The following GALNT15 variants were observed in gnomAD, a reference collection of about 807,000 sequenced individuals.
GALNT15 encodes UDP-GalNAc transferase T15.
In GALNT15, 67 loss-of-function variants were observed where a neutral mutation model predicts 66.8. That is an observed-to-expected ratio of 1.00 (90% CI 0.82 to 1.23). The LOEUF is 1.23. Ranked by LOEUF, GALNT15 falls within the 50% of genes most tolerant of loss-of-function variation. The probability of loss-of-function intolerance (pLI) is 0.00; values close to 1 mark genes in which losing one functional copy is unlikely to be tolerated. For missense variants in GALNT15, 827 were observed against 804.3 expected, an observed-to-expected ratio of 1.03 and a Z score of -0.34; for synonymous variants, 313 against 311.5, an observed-to-expected ratio of 1.00 and a Z score of -0.05.
In GALNT15 at chr3:16,228,694, C is replaced by T. The variant is rs776297002; in HGVS notation, c.*1194C>T. 348 of 984,700 alleles carry T rather than the reference C, an allele frequency of 3.5e-4. No individual in the cohort carries two copies. The highest frequency in any genetic ancestry group is 4.0e-4 in the Non-Finnish European group (331 of 829,854). The allele number at this position is 984,700 out of a possible 1,614,324, so 61.0% of individuals were successfully genotyped here. A position where few individuals can be genotyped will look rare whatever the true frequency, so the allele number is the denominator to read the frequency against. On this transcript the variant is annotated 3_prime_UTR_variant, in exon 10 of 10. Transcript: ENST00000339732. ...CTGATGCCCTGTTACAGGGTTTGCA[C>T]TGACTGGAGCAGAAACAGCAACCTT...
chr3:16,222,734 C>G lies in GALNT15; in HGVS notation c.1749C>G (p.His583Gln). ...QNCTEEGLAI[H>Q]QQHWDFQENG... ...GCACGGAGGAAGGCCTGGCCATCCACCAGCAGCACTGGGACTTCCAGGAGG... is the reference window on the plus strand; with the variant it reads ...GCACGGAGGAAGGCCTGGCCATCCAGCAGCAGCACTGGGACTTCCAGGAGG... Residue 583 changes from histidine to glutamine, a missense_variant, in exon 9 of 10, where the codon CAC (histidine) becomes CAG (glutamine). Physicochemically the swap from His to Gln is conservative, Grantham distance 24. Coordinates refer to ENST00000339732, the MANE Select transcript of GALNT15 (RefSeq NM_054110.5). 2 of 1,614,170 alleles carry G rather than the reference C, an allele frequency of 1.2e-6. No homozygotes were observed. Among genetic ancestry groups the G allele is most frequent in the Non-Finnish European group, 1.7e-6 (2 of 1,180,026 alleles).
At chr3:16,185,176 G>A (rs1287912575) in intron 1 of GALNT15, among the ~76,000 whole-genome samples, 2 of 152,174 alleles carry the variant, frequency 1.3e-5, no homozygotes, top group Non-Finnish European at 2.9e-5. Context: ...AGAGATGGAA[G>A]GTGAAGATTA....
Position 16,200,696 on chromosome 3 carries a change from GGT to G in GALNT15, c.786_787del (p.Ala263HisfsTer40), listed in dbSNP as rs2063690824. ...GTTACTCAGGAGCAACAAGAGGCTG[GGT>G]GCCATCAGGGCCCGGATGCTGGGGG... is the stretch of plus-strand genomic sequence containing the variant. ...VKLLRSNKRL[G>X]AIRARMLGAT... On this transcript the variant is annotated frameshift_variant, in exon 3 of 10. Transcript: ENST00000339732. LOFTEE classifies it high-confidence loss of function. The surrounding 1 kb of genome is among the most constrained non-coding windows in gnomAD (Gnocchi z 4.4). 1.9e-6 allele frequency: 3 copies of G among 1,610,534 alleles called. No individual in the cohort carries two copies. Among genetic ancestry groups the G allele is most frequent in the Non-Finnish European group, 2.5e-6 (3 of 1,178,472 alleles).
Position 16,198,308 on chromosome 3 carries a change from C to T in GALNT15, c.707-2311C>T, listed in dbSNP as rs143840796. The stretch of plus-strand genomic sequence containing the variant: ...ATACATATTTCAAATAGGGAAAAGG[C>T]GAAGAAGAGATAGGCAGAGGCCAGT... On this transcript the variant is annotated intron_variant, in intron 2 of 9. Coordinates refer to ENST00000339732, the MANE Select transcript of GALNT15 (RefSeq NM_054110.5). Among the ~76,000 whole-genome samples the T allele has an allele frequency of 6.1e-4, 85 of 140,220 alleles. 17 individuals are homozygous for T. Among genetic ancestry groups the T allele is most frequent in the Non-Finnish European group, 1.3e-3 (82 of 63,752 alleles). The allele number at this position is 140,220 out of a possible 152,430, so 92.0% of individuals were successfully genotyped here. A position where few individuals can be genotyped will look rare whatever the true frequency, so the allele number is the denominator to read the frequency against.
intron 6 of GALNT15, among the ~76,000 whole-genome samples, chr3:16,218,220 A>AG (rs2063901136): frequency 6.6e-6 from 1 of 152,186 alleles, no homozygotes; most frequent in South Asian, 2.1e-4. Flanking sequence ...TAAAAGAGAG[A>AG]GGGAAAGCAG....
Position 16,222,702 on chromosome 3 carries a change from C to T in GALNT15, c.1717C>T (p.Gln573Ter). 6.2e-7 allele frequency: 1 copy of T among 1,614,238 alleles called. No homozygotes were observed. The highest frequency in any genetic ancestry group is 1.1e-5 in the South Asian group (1 of 91,086). ...FAVRQEQVILQNCTEEGLAIH... is the reference protein window; with the variant it reads ...FAVRQEQVIL ...TGTCAGGCAGGAGCAGGTGATTCTT[C>T]AGAACTGCACGGAGGAAGGCCTGGC... Residue 573 changes from glutamine to a stop codon, truncating the protein, a stop_gained, in exon 9 of 10, where the codon CAG (glutamine) becomes TAG (stop). Coordinates refer to ENST00000339732, the MANE Select transcript of GALNT15 (RefSeq NM_054110.5). LOFTEE classifies it high-confidence loss of function.
At chr3:16,179,398 C>T (rs1242484006) in intron 1 of GALNT15, among the ~76,000 whole-genome samples, 2 of 152,164 alleles carry the variant, frequency 1.3e-5, no homozygotes, top group African/African-American at 4.8e-5. Context: ...GGGCAAGTCA[C>T]ATGGGCTGGA....
intron 1 of GALNT15, among the ~76,000 whole-genome samples, chr3:16,190,927 G>T (rs1209384296): frequency 6.6e-6 from 1 of 152,210 alleles, no homozygotes; most frequent in Non-Finnish European, 1.5e-5. Flanking sequence ...CGTCTTGAAG[G>T]CTGCGTGAAC....
In GALNT15 at chr3:16,229,604, C is replaced by T. The variant is rs2064062562; in HGVS notation, c.*2104C>T. 3.0e-6 allele frequency: 3 copies of T among 985,348 alleles called. No individual in the cohort carries two copies. The highest frequency in any genetic ancestry group is 1.7e-5 in the African/African-American group (1 of 57,334). 61.0% of individuals were successfully genotyped at this position (985,348 alleles called of 1,614,324 possible). On this transcript the variant is annotated 3_prime_UTR_variant, in exon 10 of 10. Coordinates refer to ENST00000339732, the MANE Select transcript of GALNT15 (RefSeq NM_054110.5). ...GGAGCTACAAATTCTCAGATGGCGA[C>T]CGTGTAAATGGTATTAGCGGCTGAA...
chr3:16,236,124 A>AAAAAAAAAAAAAAAAAAAAAAG (rs2064124353), downstream of GALNT15, among the ~76,000 whole-genome samples: 1 of 147,152 alleles, frequency 6.8e-6, no homozygotes, highest in Non-Finnish European at 1.5e-5. Context: ...AAAAAAAAAA[A>AAAAAAAAAAAAAAAAAAAAAAG]AAAAAAAGGA....
At chr3:16,246,831 A>G in the GALNT15 span, among the ~76,000 whole-genome samples, 1 of 152,242 alleles carries the variant, frequency 6.6e-6, no homozygotes, top group Admixed American at 6.5e-5. Context: ...GGAATAAAAT[A>G]TTTTAAATAA....
intron 2 of GALNT15, among the ~76,000 whole-genome samples, chr3:16,197,751 G>A (rs921231513): frequency 2.0e-5 from 3 of 152,170 alleles, no homozygotes; most frequent in African/African-American, 7.2e-5. Flanking sequence ...AGCCCATGAT[G>A]ACCCTTTACA....
Position 16,229,159 on chromosome 3 carries a change from T to C in GALNT15, c.*1659T>C, listed in dbSNP as rs1210362602. 1 of 985,328 alleles carries C rather than the reference T, an allele frequency of 1.0e-6. No homozygotes were observed. The highest frequency in any genetic ancestry group is 1.7e-5 in the African/African-American group (1 of 57,334). The allele number at this position is 985,328 out of a possible 1,614,324, so 61.0% of individuals were successfully genotyped here. A position where few individuals can be genotyped will look rare whatever the true frequency, so the allele number is the denominator to read the frequency against. ...TATCCTTCAAATAAGAAAAACTGAG[T>C]GGGAAGTGCAGTGTTTCCAAACAAT... On this transcript the variant is annotated 3_prime_UTR_variant, in exon 10 of 10. Transcript: ENST00000339732.
At chr3:16,212,821 G>A in intron 6 of GALNT15, 58 bp downstream of exon 6, 1 of 1,439,968 alleles carries the variant, frequency 6.9e-7, no homozygotes, top group Non-Finnish European at 9.6e-7. Context: ...AGCAGGAGGT[G>A]GGCCAGGGAG....
intron 6 of GALNT15, among the ~76,000 whole-genome samples, chr3:16,216,687 C>T (rs548320116): frequency 1.3e-5 from 2 of 152,298 alleles, no homozygotes; most frequent in South Asian, 4.1e-4. Context: ...GGGGGCTGTT[C>T]ACACGTGCAG....
chr3:16,219,315 G>T lies in GALNT15; in HGVS notation c.1393-88G>T. ...CCCTTCCTTCTGTCCTGATCCTTTA[G>T]CTTCTTCCCAGCCACTCCATCCCCA... On this transcript the variant is annotated intron_variant, in intron 6 of 9. Coordinates refer to ENST00000339732, the MANE Select transcript of GALNT15 (RefSeq NM_054110.5). This position sits in a 1 kb window ranked among gnomAD's most constrained non-coding sequence, Gnocchi z 4.3. 1 of 1,545,994 alleles carries T rather than the reference G, an allele frequency of 6.5e-7. No individual in the cohort carries two copies. Among genetic ancestry groups the T allele is most frequent in the Non-Finnish European group, 8.8e-7 (1 of 1,137,088 alleles).
the GALNT15 span, among the ~76,000 whole-genome samples, chr3:16,238,443 CAATATTAACAACATTAATATT>C: frequency 5.4e-4 from 82 of 151,698 alleles, 1 homozygote; most frequent in Admixed American, 4.7e-3. This position sits in a 1 kb window ranked among gnomAD's most constrained non-coding sequence, Gnocchi z 4.8. Context: ...AATGTTGTTA[CAATATTAACAACATTAATATT>C]AATATTGTTG....
At chr3:16,212,539 T>A in intron 5 of GALNT15, 30 bp from the exon 6 acceptor site, 2 of 1,595,780 alleles carry the variant, frequency 1.3e-6, no homozygotes, top group Non-Finnish European at 1.7e-6. Context: ...GGTGGAATGC[T>A]GAGGTGTTTA....
In GALNT15 at chr3:16,195,300, A is replaced by G. The variant is rs903778221; in HGVS notation, c.540-460A>G. Among the ~76,000 whole-genome samples, 3 of 152,226 alleles carry G rather than the reference A, an allele frequency of 2.0e-5. No individual in the cohort carries two copies. Among genetic ancestry groups the G allele is most frequent in the Non-Finnish European group, 4.4e-5 (3 of 68,046 alleles). On this transcript the variant is annotated intron_variant, in intron 1 of 9. Transcript: ENST00000339732. The surrounding 1 kb of genome is among the most constrained non-coding windows in gnomAD (Gnocchi z 4.6). ...GTCCACAGAAAACAGCAGCATCGGC[A>G]TCACCTGGGAGCTTGTTAGAAATGC... is the stretch of plus-strand genomic sequence containing the variant.
Sources: gnomAD v4.1 joint callset for allele counts (sites outside exome capture counted in the v4.1 genomes callset) on GRCh38, gnomAD v4.1.1 for gene constraint, Gnocchi (gnomAD v3.1) non-coding constraint, MANE v1.5 for transcripts, NCBI Gene and HGNC (gene_info 2026-07-23, HGNC 2026-07-21) for gene names.